Variants in HERC2 observed in about 807,000 individuals in gnomAD.
HERC2 encodes E3 ubiquitin-protein ligase HERC2.
HERC2 carries 102 observed loss-of-function variants against 537.7 expected under a neutral mutation model. The ratio of observed to expected loss-of-function variants is 0.19; its 90% confidence interval spans 0.16 to 0.22. The LOEUF is 0.22. Ranked by LOEUF, HERC2 falls within the 10% of genes least tolerant of loss-of-function variation. The probability of loss-of-function intolerance (pLI) is 1.00; values close to 1 mark genes in which losing one functional copy is unlikely to be tolerated. For synonymous variants in HERC2, 2,224 were observed against 2,466.2 expected (o/e 0.90, Z 2.91); for missense variants, 4,236 against 6,198.2 (o/e 0.68, Z 10.63).
chr15:28,120,066 C>T (rs994635000), intron 86 of HERC2, among the ~76,000 whole-genome samples: 7 of 152,148 alleles, frequency 4.6e-5, no homozygotes, highest in East Asian at 1.9e-4. Flanking sequence ...GGTTAGACAA[C>T]GCAGAAGCCA....
At chr15:28,274,510 A>G in intron 6 of HERC2, 63 bp from the exon 7 acceptor site, 1 of 1,504,210 alleles carries the variant, frequency 6.6e-7, no homozygotes, top group Admixed American at 2.1e-5. Context: ...TGGGCTTCCC[A>G]CCCCTCAGCG....
chr15:28,269,135 T>A (rs4932620), intron 11 of HERC2, 113 bp downstream of exon 11: 2 of 766,916 alleles, frequency 2.6e-6, no homozygotes, highest in South Asian at 2.0e-5. Context: ...TAAACAGAAC[T>A]TTGTCAATCT....
rs532393534 is a variant in HERC2 at position 28,276,870 on chromosome 15, G to A, written c.543-1865C>T. Among the ~76,000 whole-genome samples, 16 of 152,270 alleles carry A rather than the reference G, an allele frequency of 1.1e-4. No individual in the cohort carries two copies. In the South Asian group the frequency reaches 3.1e-3, roughly 30 times the overall value. ...AAAAGTCAATATTGCTTGAGGCCAG[G>A]AGTTCCAGACAAGCCTGGGAAACAC... On this transcript the variant is annotated intron_variant, in intron 5 of 92. Transcript: ENST00000261609.
At chr15:28,145,467 TACTGA>T (rs1891640615) in intron 71 of HERC2, among the ~76,000 whole-genome samples, 1 of 152,128 alleles carries the variant, frequency 6.6e-6, no homozygotes, top group Admixed American at 6.5e-5. Context: ...CCAACAACAC[TACTGA>T]AAACTACACT....
rs976723059 is a variant in HERC2 at position 28,174,306 on chromosome 15, C to T, written c.10057+89G>A. On this transcript the variant is annotated intron_variant, in intron 65 of 92. Coordinates refer to ENST00000261609, the MANE Select transcript of HERC2 (RefSeq NM_004667.6). ...TAATGCAGTTAACATGGCACTACAA[C>T]CTCTAATTGTGTTGGCACAATTAAA... is the stretch of plus-strand genomic sequence containing the variant. 4.3e-6 allele frequency: 4 copies of T among 934,890 alleles called. No homozygotes were observed. The East Asian group carries it at 1.0e-4, about 24-fold the overall frequency. The allele number at this position is 934,890 out of a possible 1,614,324, so 57.9% of individuals were successfully genotyped here. A position where few individuals can be genotyped will look rare whatever the true frequency, so the allele number is the denominator to read the frequency against.
At chr15:28,120,997 G>A (rs1888821234) in intron 86 of HERC2, among the ~76,000 whole-genome samples, 1 of 152,204 alleles carries the variant, frequency 6.6e-6, no homozygotes, top group Non-Finnish European at 1.5e-5. Flanking sequence ...CAGTGATCCT[G>A]CTTTGGCTGT....
chr15:28,116,384 T>A lies in HERC2; in HGVS notation c.13609+281A>T, dbSNP rs1888256934. ...GCATGCCACCACAGCCAGCTAATTT[T>A]TTTTGTATTTTTACTAGAGACGAGG... is the stretch of plus-strand genomic sequence containing the variant. On this transcript the variant is annotated intron_variant, in intron 88 of 92. Coordinates refer to ENST00000261609, the MANE Select transcript of HERC2 (RefSeq NM_004667.6). 2.0e-5 allele frequency among the ~76,000 whole-genome samples: 3 copies of A among 152,050 alleles called. No homozygotes were observed. The South Asian group carries it at 6.2e-4, about 32-fold the overall frequency.
chr15:28,205,245 C>T (rs769859845), intron 45 of HERC2, among the ~76,000 whole-genome samples: 1 of 142,260 alleles, frequency 7.0e-6, no homozygotes. Flanking sequence ...CAACTCTACA[C>T]GGCCTTCCAG....
At chr15:28,195,968 T>C (rs888020559) in intron 52 of HERC2, among the ~76,000 whole-genome samples, 2 of 152,214 alleles carry the variant, frequency 1.3e-5, no homozygotes, top group Non-Finnish European at 2.9e-5. Context: ...CTTTTAATGT[T>C]TCTTTATGGA....
At chr15:28,222,709 C>T (rs1478317488) in intron 35 of HERC2, among the ~76,000 whole-genome samples, 1 of 152,082 alleles carries the variant, frequency 6.6e-6, no homozygotes, top group Non-Finnish European at 1.5e-5. Flanking sequence ...TCTCCCATTC[C>T]CTAGGTAGTA....
At chr15:28,298,789 C>T (rs2076541932) in intron 3 of HERC2, among the ~76,000 whole-genome samples, 1 of 151,828 alleles carries the variant, frequency 6.6e-6, no homozygotes, top group African/African-American at 2.4e-5. Flanking sequence ...GAGCAAGACT[C>T]CTTCCCCCCC....
At chr15:28,208,118 T>C (rs1424837233) in intron 44 of HERC2, among the ~76,000 whole-genome samples, 3 of 152,326 alleles carry the variant, frequency 2.0e-5, no homozygotes, top group East Asian at 1.9e-4. Flanking sequence ...ATGTTCCCTA[T>C]AACCTCTACT....
chr15:28,196,806 G>C (rs530423834), intron 50 of HERC2, among the ~76,000 whole-genome samples: 12 of 152,314 alleles, frequency 7.9e-5, no homozygotes, highest in Admixed American at 3.9e-4. Flanking sequence ...GGCGACAATC[G>C]TTAAAGCCAG....
At chr15:28,128,246 G>A (rs1246786365) in intron 83 of HERC2, among the ~76,000 whole-genome samples, 1 of 152,212 alleles carries the variant, frequency 6.6e-6, no homozygotes, top group Non-Finnish European at 1.5e-5. Context: ...CTGACTGGCA[G>A]GCAATGTGCT....
At chr15:28,179,589 C>T (rs2140175416) in intron 57 of HERC2, among the ~76,000 whole-genome samples, 1 of 152,354 alleles carries the variant, frequency 6.6e-6, no homozygotes, top group South Asian at 2.1e-4. Flanking sequence ...TACTTTCTAT[C>T]ATTCTTTTAG....
At chr15:28,163,352 T>G in intron 68 of HERC2, 67 bp from the exon 69 acceptor site, 7 of 1,449,968 alleles carry the variant, frequency 4.8e-6, no homozygotes, top group Non-Finnish European at 5.7e-6. Context: ...AGTCACCAGT[T>G]TACCCATAAA....
Position 28,222,156 on chromosome 15 carries a change from T to C in HERC2, c.5524A>G (p.Thr1842Ala). The change falls in exon 36 of 93, where the codon ACA becomes GCA. Residue 1842 changes from threonine (T) to alanine (A), a missense_variant. Physicochemically the swap from Thr to Ala is moderately conservative, Grantham distance 58. This residue lies in a region of HERC2 where 343 missense variants were observed against 417.2 expected (regional missense o/e 0.82). Transcript: ENST00000261609. ...MNASAQGASA[T>A]VLEETRKETA... ...TCCTTCCTTGTTTCTTCCAAAACTG[T>C]GGCAGAAGCACCTTGAGCAGAAGCA... The C allele has an allele frequency of 8.6e-6, 13 of 1,509,020 alleles. 1 individual carries two copies. The highest frequency in any genetic ancestry group is 1.1e-5 in the Non-Finnish European group (12 of 1,096,104). 93.5% of individuals were successfully genotyped at this position (1,509,020 alleles called of 1,614,324 possible). A position where few individuals can be genotyped will look rare whatever the true frequency, so the allele number is the denominator to read the frequency against.
At chr15:28,304,803 G>A (rs796079351) in intron 2 of HERC2, among the ~76,000 whole-genome samples, 6,878 of 127,964 alleles carry the variant, frequency 0.054, 395 homozygotes, top group African/African-American at 0.21. Flanking sequence ...CTGGTGTGCT[G>A]CACCCACTAA....
intron 31 of HERC2, among the ~76,000 whole-genome samples, chr15:28,230,098 C>G (rs1901671251): frequency 1.3e-5 from 2 of 152,080 alleles, no homozygotes; most frequent in South Asian, 4.1e-4. Context: ...GCCACAGGGC[C>G]CAGCACTGTT....
Sources: gnomAD v4.1 joint callset for allele counts (sites outside exome capture counted in the v4.1 genomes callset) on GRCh38, gnomAD v4.1.1 for gene constraint, gnomAD v4.1.1 regional missense constraint, MANE v1.5 for transcripts, NCBI Gene and HGNC (gene_info 2026-07-23, HGNC 2026-07-21) for gene names.